Variants in CCDC141 observed in about 807,000 individuals in gnomAD.
The protein encoded by CCDC141 is coiled-coil domain containing 141.
Under a neutral mutation model 181.0 loss-of-function variants are expected in CCDC141, and 168 were observed. The observed-to-expected ratio is 0.93, with a 90% CI of 0.82 to 1.05. The LOEUF (loss-of-function observed/expected upper bound fraction) is 1.05. Ranked by LOEUF, CCDC141 falls within the 50% of genes least tolerant of loss-of-function variation. CCDC141 has a pLI of 0.00. For synonymous variants in CCDC141, 666 were observed against 642.3 expected (o/e 1.04, Z -0.56); for missense variants, 1,902 against 1,788.5 (o/e 1.06, Z -1.14).
In CCDC141 at chr2:178,888,668, G is replaced by A; in HGVS notation, c.1266C>T (p.Ser422=). 6.4e-7 allele frequency: 1 copy of A among 1,550,444 alleles called. No homozygotes were observed. ...QTLISQVDSC[S]SQVSGIHEMM... ...TCTCATGGATGCCGGACACCTGAGA[G>A]CTGAACAGAGCAAGCCAGCTGTTAA... Residue 422 remains serine (S), a splice_region_variant and synonymous_variant, in exon 9 of 24, where the codon AGC becomes AGT. Coordinates refer to ENST00000443758, the MANE Select transcript of CCDC141 (RefSeq NM_173648.4).
chr2:179,045,081 T>A (rs1323576868), intron 2 of CCDC141, among the ~76,000 whole-genome samples: 2 of 151,542 alleles, frequency 1.3e-5, no homozygotes, highest in African/African-American at 4.9e-5. Context: ...TACATATGTA[T>A]ACATGTGCCA....
chr2:178,993,870 G>A (rs1051454846), intron 2 of CCDC141, among the ~76,000 whole-genome samples: 12 of 152,298 alleles, frequency 7.9e-5, no homozygotes, highest in South Asian at 2.1e-4. Flanking sequence ...ATGAAAGTCC[G>A]AAATCTAGCA....
Position 178,855,366 on chromosome 2 carries a change from A to C in CCDC141, c.3041T>G (p.Phe1014Cys). The C allele has an allele frequency of 6.2e-7, 1 of 1,610,536 alleles. No homozygotes were observed. Among genetic ancestry groups the C allele is most frequent in the Non-Finnish European group, 8.5e-7 (1 of 1,178,988 alleles). ...YKKNLDLTEHFQEVIEECHFW... is the reference protein window; with the variant it reads ...YKKNLDLTEHCQEVIEECHFW... ...GAATACCTCTTCTATCACCTCCTGG[A>C]AATGCTCAGTCAGGTCCAAATTCTT... The change falls in exon 19 of 24, where the codon TTC becomes TGC. Residue 1014 changes from phenylalanine to cysteine, a missense_variant. By Grantham distance (205) the Phe-to-Cys change is radical. Transcript: ENST00000443758.
At chr2:178,989,605 A>T (rs10930849) in intron 2 of CCDC141, among the ~76,000 whole-genome samples, 72,969 of 136,750 alleles carry the variant, frequency 0.53, 20,794 homozygotes, top group Admixed American at 0.68. Flanking sequence ...AAAAAAAAAA[A>T]AAATAAATAA....
downstream of CCDC141, among the ~76,000 whole-genome samples, chr2:178,828,651 C>A (rs1684160528): frequency 6.6e-6 from 1 of 152,160 alleles, no homozygotes. Flanking sequence ...TCTGACCCTG[C>A]CAAGTAAGTG....
chr2:178,880,114 G>A (rs147074557), intron 11 of CCDC141, among the ~76,000 whole-genome samples: 4 of 152,272 alleles, frequency 2.6e-5, no homozygotes, highest in African/African-American at 9.6e-5. Flanking sequence ...TCAATATTAT[G>A]GGCAGTCAGT....
intron 6 of CCDC141, among the ~76,000 whole-genome samples, chr2:178,921,879 G>C (rs1575220395): frequency 6.6e-6 from 1 of 152,146 alleles, no homozygotes; most frequent in East Asian, 1.9e-4. Context: ...TCTTCTGTCT[G>C]TTCAGATCTG....
chr2:178,977,520 C>A (rs997453634), intron 3 of CCDC141, among the ~76,000 whole-genome samples: 3 of 152,090 alleles, frequency 2.0e-5, no homozygotes, highest in African/African-American at 7.2e-5. Flanking sequence ...AGTTAAACTT[C>A]GGTGTTCAAA....
intron 2 of CCDC141, among the ~76,000 whole-genome samples, chr2:179,035,741 T>G (rs2043127614): frequency 6.6e-6 from 1 of 152,128 alleles, no homozygotes; most frequent in Non-Finnish European, 1.5e-5. Flanking sequence ...GAGTTACAAT[T>G]CCAAGTTTCA....
chr2:178,887,357 A>G (rs1686934285), intron 9 of CCDC141, among the ~76,000 whole-genome samples: 1 of 152,196 alleles, frequency 6.6e-6, no homozygotes, highest in African/African-American at 2.4e-5. Flanking sequence ...ACAGGGACAT[A>G]CTTAGGACAT....
At chr2:178,826,113 T>C (rs142218986), downstream of CCDC141, among the ~76,000 whole-genome samples, 3 of 152,312 alleles carry the variant, frequency 2.0e-5, no homozygotes, top group East Asian at 3.9e-4. Flanking sequence ...ACTAGTTTTC[T>C]GACAGTTTTT....
chr2:179,049,943 G>T lies in CCDC141; in HGVS notation c.-2C>A, dbSNP rs373407057. On this transcript the variant is annotated 5_prime_UTR_variant, in exon 1 of 24. Coordinates refer to ENST00000443758, the MANE Select transcript of CCDC141 (RefSeq NM_173648.4). ...ACTAGGACTTCCTTGGCTGGACATGGTACTTTAGAACCAGAGTTTATACTT... is the reference window on the plus strand; with the variant it reads ...ACTAGGACTTCCTTGGCTGGACATGTTACTTTAGAACCAGAGTTTATACTT... 6.6e-5 allele frequency: 102 copies of T among 1,550,422 alleles called. No homozygotes were observed. The African/African-American group carries it at 1.1e-3, about 17-fold the overall frequency.
At chr2:179,038,386 G>A (rs538880632) in intron 2 of CCDC141, among the ~76,000 whole-genome samples, 41 of 152,210 alleles carry the variant, frequency 2.7e-4, no homozygotes, top group Middle Eastern at 3.4e-3. Context: ...TTTTTTACTG[G>A]GTACTGAGTT....
intron 2 of CCDC141, among the ~76,000 whole-genome samples, chr2:179,041,175 C>T (rs1294881673): frequency 6.6e-6 from 1 of 152,094 alleles, no homozygotes; most frequent in Non-Finnish European, 1.5e-5. Context: ...GGGTTCACGC[C>T]ATTTTCCTGC....
At chr2:179,039,190 G>A (rs2043227065) in intron 2 of CCDC141, among the ~76,000 whole-genome samples, 1 of 151,642 alleles carries the variant, frequency 6.6e-6, no homozygotes. Flanking sequence ...TTTTTCTTTG[G>A]ACACTCCACT....
chr2:178,816,591 T>C, the CCDC141 span, among the ~76,000 whole-genome samples: 1 of 152,222 alleles, frequency 6.6e-6, no homozygotes, highest in African/African-American at 2.4e-5. Context: ...GACAAGAGTA[T>C]GTTCAGTTTT....
intron 2 of CCDC141, among the ~76,000 whole-genome samples, chr2:179,015,149 A>G (rs1407597887): frequency 2.0e-5 from 2 of 98,298 alleles, no homozygotes; most frequent in African/African-American, 8.3e-5. Flanking sequence ...ATATATCAAT[A>G]TATCTCATAT....
At chr2:178,878,225 T>C (rs1180187192) in intron 11 of CCDC141, 82 bp from the exon 12 acceptor site, 1 of 701,620 alleles carries the variant, frequency 1.4e-6, no homozygotes, top group Non-Finnish European at 2.1e-6. Flanking sequence ...TAAAAACCTA[T>C]ATAAAACCTA....
the CCDC141 span, among the ~76,000 whole-genome samples, chr2:178,817,110 T>A: frequency 6.6e-6 from 1 of 152,362 alleles, no homozygotes; most frequent in African/African-American, 2.4e-5. Flanking sequence ...GTATTTATAC[T>A]TAGAAACAGG....
Sources: allele counts gnomAD v4.1 joint callset (sites outside exome capture counted in the v4.1 genomes callset), GRCh38; gene constraint gnomAD v4.1.1; transcripts MANE v1.5; gene names NCBI Gene and HGNC (gene_info 2026-07-23, HGNC 2026-07-21).